Variants in CDH12 observed in about 807,000 individuals in gnomAD.
CDH12 encodes the protein cadherin-12.
Under a neutral mutation model 74.1 loss-of-function variants are expected in CDH12, and 41 were observed. The ratio of observed to expected loss-of-function variants is 0.55; its 90% CI spans 0.43 to 0.72. The LOEUF (loss-of-function observed/expected upper bound fraction) is 0.72, where lower values mean the gene tolerates loss of function less well. Among genes scored for constraint, CDH12 ranks in the 30% least tolerant of loss-of-function variants. The pLI is 0.00. For missense variants in CDH12, 945 were observed against 977.2 expected, an observed-to-expected ratio of 0.97 and a Z score of 0.44; for synonymous variants, 399 against 355.0, an observed-to-expected ratio of 1.12 and a Z score of -1.39.
chr5:22,385,139 C>A (rs943692036), intron 3 of CDH12, among the ~76,000 whole-genome samples: 1 of 152,096 alleles, frequency 6.6e-6, no homozygotes, highest in Non-Finnish European at 1.5e-5. Flanking sequence ...AAATTTAATA[C>A]CTTAAACTTA....
At chr5:21,887,003 A>G (rs2150039934) in intron 6 of CDH12, among the ~76,000 whole-genome samples, 1 of 152,274 alleles carries the variant, frequency 6.6e-6, no homozygotes, top group African/African-American at 2.4e-5. Context: ...CTTATTATCA[A>G]CATGTGTTGT....
rs1156346449 is a variant in CDH12, at chr5:22,657,696, T to C, written c.-522-152332A>G. Reference sequence around the variant, plus strand: ...TAATTCAAAATTTATACCTAATTCTTTATAACAGAATTTCCCAAAGTATAA... The same window carrying C: ...TAATTCAAAATTTATACCTAATTCTCTATAACAGAATTTCCCAAAGTATAA... On this transcript the variant is annotated intron_variant, in intron 1 of 14. Coordinates refer to ENST00000382254, the MANE Select transcript of CDH12 (RefSeq NM_004061.5). Among the ~76,000 whole-genome samples, 6 of 152,298 alleles carry C rather than the reference T, an allele frequency of 3.9e-5. 1 individual carries two copies. The highest frequency in any genetic ancestry group is 7.2e-5 in the African/African-American group (3 of 41,576).
chr5:22,417,459 A>G (rs1033941717), intron 2 of CDH12, among the ~76,000 whole-genome samples: 3 of 151,964 alleles, frequency 2.0e-5, no homozygotes, highest in African/African-American at 7.3e-5. Flanking sequence ...TTTCATGCCT[A>G]CTCTTTCACA....
At chr5:22,628,578 C>A (rs1278429258) in intron 1 of CDH12, among the ~76,000 whole-genome samples, 1 of 152,142 alleles carries the variant, frequency 6.6e-6, no homozygotes, top group Non-Finnish European at 1.5e-5. Flanking sequence ...ATACCAGGAT[C>A]TCTGGGACAC....
At chr5:22,840,497 T>A (rs1256503113) in intron 1 of CDH12, among the ~76,000 whole-genome samples, 1 of 150,150 alleles carries the variant, frequency 6.7e-6, no homozygotes, top group Non-Finnish European at 1.5e-5. Context: ...ATACAGTGAT[T>A]TATATATATT....
chr5:21,828,804 TCAGGGACAAC>T (rs895996929), intron 8 of CDH12, among the ~76,000 whole-genome samples: 17 of 152,146 alleles, frequency 1.1e-4, no homozygotes, highest in African/African-American at 4.1e-4. Context: ...TATTATTCTT[TCAGGGACAAC>T]CTAAAGCCAC....
chr5:22,430,161 T>C (rs1352818229), intron 2 of CDH12, among the ~76,000 whole-genome samples: 1 of 152,166 alleles, frequency 6.6e-6, no homozygotes, highest in Non-Finnish European at 1.5e-5. Context: ...ATCAATTTGT[T>C]AGAAGTAATC....
intron 1 of CDH12, among the ~76,000 whole-genome samples, chr5:22,799,085 C>T (rs1048462944): frequency 2.0e-5 from 3 of 152,058 alleles, no homozygotes; most frequent in African/African-American, 7.2e-5. Context: ...CTATTGCACA[C>T]CGGCCTGGGT....
At position 22,497,233 on chromosome 5, in the gene CDH12, T is replaced by C. The variant is rs184657618; in HGVS notation, c.-428+8037A>G. 3.3e-5 allele frequency among the ~76,000 whole-genome samples: 5 copies of C among 152,308 alleles called. No homozygotes were observed. In the East Asian group the frequency reaches 7.7e-4, roughly 24 times the overall value. ...AGGATGAACTCACCCCTGAATTTTG[T>C]ATGAATATATCAAATTTCCTAGTCA... On this transcript the variant is annotated intron_variant, in intron 2 of 14. Transcript: ENST00000382254.
chr5:22,056,342 C>A (rs1007513227), intron 5 of CDH12, among the ~76,000 whole-genome samples: 1 of 152,142 alleles, frequency 6.6e-6, no homozygotes, highest in African/African-American at 2.4e-5. Context: ...TAATAGAAAT[C>A]ATTGTAATCT....
intron 4 of CDH12, among the ~76,000 whole-genome samples, chr5:22,188,568 A>G (rs1750097268): frequency 6.6e-6 from 1 of 152,202 alleles, no homozygotes; most frequent in Non-Finnish European, 1.5e-5. Context: ...GAAAATAAGT[A>G]TGATTGCTGC....
At chr5:22,691,639 A>G (rs920528786) in intron 1 of CDH12, among the ~76,000 whole-genome samples, 3 of 152,222 alleles carry the variant, frequency 2.0e-5, no homozygotes, top group Non-Finnish European at 2.9e-5. Context: ...AAACAAGATC[A>G]TCTGGGCCTA....
intron 1 of CDH12, among the ~76,000 whole-genome samples, chr5:22,689,531 T>A (rs1305916366): frequency 6.6e-6 from 1 of 152,062 alleles, no homozygotes; most frequent in Non-Finnish European, 1.5e-5. Context: ...CCACAGTAAG[T>A]GCAAATACAT....
At chr5:22,571,623 G>A (rs1471574303) in intron 1 of CDH12, among the ~76,000 whole-genome samples, 4 of 152,276 alleles carry the variant, frequency 2.6e-5, no homozygotes, top group African/African-American at 7.2e-5. Context: ...CAACGTGCCC[G>A]GCAATCATTT....
intron 4 of CDH12, among the ~76,000 whole-genome samples, chr5:22,081,988 A>G (rs1742762508): frequency 6.6e-6 from 1 of 152,180 alleles, no homozygotes; most frequent in Non-Finnish European, 1.5e-5. Context: ...TGTGTTCCAA[A>G]ACCCCCAGGA....
chr5:22,118,425 T>C (rs1360289272), intron 4 of CDH12, among the ~76,000 whole-genome samples: 1 of 152,104 alleles, frequency 6.6e-6, no homozygotes, highest in Non-Finnish European at 1.5e-5. Flanking sequence ...CTTGCTACAA[T>C]AACCTCTTGT....
intron 9 of CDH12, among the ~76,000 whole-genome samples, chr5:21,805,008 A>T (rs1360376540): frequency 6.6e-6 from 1 of 152,144 alleles, no homozygotes; most frequent in Non-Finnish European, 1.5e-5. Context: ...AAACAATATA[A>T]GTGGTCTATG....
At chr5:21,955,667 T>C (rs1298119601) in intron 6 of CDH12, among the ~76,000 whole-genome samples, 1 of 152,076 alleles carries the variant, frequency 6.6e-6, no homozygotes, top group African/African-American at 2.4e-5. Flanking sequence ...GACTAGCATA[T>C]GTTGTCTTCT....
intron 10 of CDH12, among the ~76,000 whole-genome samples, chr5:21,786,358 T>C (rs1046923131): frequency 1.3e-5 from 2 of 152,168 alleles, no homozygotes; most frequent in African/African-American, 4.8e-5. Flanking sequence ...TTCACCATGT[T>C]GGTCAGGCTA....
Sources: gnomAD v4.1 joint callset for allele counts (sites outside exome capture counted in the v4.1 genomes callset) on GRCh38, gnomAD v4.1.1 for gene constraint, MANE v1.5 for transcripts, NCBI Gene and HGNC (gene_info 2026-07-23, HGNC 2026-07-21) for gene names.